PDZRN4: variants seen among roughly 807,000 people sequenced by gnomAD.
PDZRN4 encodes PDZ domain-containing RING finger protein 4.
A neutral mutation model predicts 99.0 loss-of-function variants in PDZRN4; 70 were observed. The ratio of observed to expected loss-of-function variants is 0.71; its 90% CI spans 0.58 to 0.86. PDZRN4 has a LOEUF of 0.86. Among genes scored for constraint, PDZRN4 ranks in the 40% least tolerant of loss-of-function variants. The pLI, the probability that PDZRN4 is intolerant of heterozygous loss-of-function variation, is 0.00. For synonymous variants in PDZRN4, 551 were observed against 501.6 expected (o/e 1.10, Z -1.32); for missense variants, 1,474 against 1,331.2 (o/e 1.11, Z -1.67).
intron 3 of PDZRN4, among the ~76,000 whole-genome samples, chr12:41,234,662 A>G (rs1376741306): frequency 1.3e-5 from 2 of 152,102 alleles, no homozygotes; most frequent in Admixed American, 6.6e-5. Flanking sequence ...GGATGGAATA[A>G]TCACATGCAT....
chr12:41,472,271 G>A (rs1156800738), intron 3 of PDZRN4, among the ~76,000 whole-genome samples: 3 of 152,246 alleles, frequency 2.0e-5, no homozygotes, highest in Admixed American at 6.5e-5. Context: ...CCAAAGTGCC[G>A]GGATTACAGG....
intron 3 of PDZRN4, among the ~76,000 whole-genome samples, chr12:41,503,246 G>C (rs1247263513): frequency 2.0e-5 from 3 of 152,124 alleles, no homozygotes; most frequent in Non-Finnish European, 4.4e-5. Flanking sequence ...TATGAAAATA[G>C]AGGTCAGCTG....
intron 3 of PDZRN4, among the ~76,000 whole-genome samples, chr12:41,492,752 AC>A (rs1937913824): frequency 6.6e-6 from 1 of 152,118 alleles, no homozygotes; most frequent in African/African-American, 2.4e-5. Context: ...TATTCTTTAC[AC>A]CTTTGAAATG....
chr12:41,515,652 G>A, intron 5 of PDZRN4, among the ~76,000 whole-genome samples: 1 of 152,020 alleles, frequency 6.6e-6, no homozygotes, highest in East Asian at 1.9e-4. Flanking sequence ...AAACCAATAA[G>A]TGATCATATA....
chr12:41,500,914 G>C (rs1194448584), intron 3 of PDZRN4, among the ~76,000 whole-genome samples: 1 of 151,984 alleles, frequency 6.6e-6, no homozygotes, highest in African/African-American at 2.4e-5. Flanking sequence ...ATTGTGCTTT[G>C]GCAACACCTC....
At chr12:41,225,545 TA>T (rs1950987924) in intron 3 of PDZRN4, among the ~76,000 whole-genome samples, 1 of 152,160 alleles carries the variant, frequency 6.6e-6, no homozygotes, top group Non-Finnish European at 1.5e-5. Flanking sequence ...GCTTTTGTAA[TA>T]ATTTTTTAAT....
intron 3 of PDZRN4, among the ~76,000 whole-genome samples, chr12:41,499,952 C>G (rs769524303): frequency 2.0e-5 from 3 of 151,910 alleles, no homozygotes; most frequent in African/African-American, 4.8e-5. Flanking sequence ...ATTCAATTAT[C>G]TTAGGTTGCA....
chr12:41,194,005 A>G (rs1950754142), intron 2 of PDZRN4, 76 bp from the exon 3 acceptor site: 7 of 706,626 alleles, frequency 9.9e-6, no homozygotes, highest in South Asian at 6.3e-5. Flanking sequence ...TGGTAATGTT[A>G]CATTTGGTAA....
intron 3 of PDZRN4, among the ~76,000 whole-genome samples, chr12:41,403,976 C>T (rs1952323338): frequency 6.6e-6 from 1 of 151,988 alleles, no homozygotes; most frequent in Non-Finnish European, 1.5e-5. Context: ...TGCAGGAACC[C>T]TCAGGGATAC....
At chr12:41,233,689 C>T (rs1951045873) in intron 3 of PDZRN4, among the ~76,000 whole-genome samples, 1 of 151,394 alleles carries the variant, frequency 6.6e-6, no homozygotes, top group South Asian at 2.1e-4. Context: ...ATTGCAAGGA[C>T]AAAAAACCAA....
chr12:41,516,959 A>G (rs901875368), intron 5 of PDZRN4, among the ~76,000 whole-genome samples: 1 of 151,990 alleles, frequency 6.6e-6, no homozygotes, highest in African/African-American at 2.4e-5. Flanking sequence ...CTAAATTGAG[A>G]TTCCTTTTTA....
chr12:41,464,820 C>CTTTT (rs5797739), intron 3 of PDZRN4, among the ~76,000 whole-genome samples: 64 of 104,782 alleles, frequency 6.1e-4, no homozygotes, highest in South Asian at 9.7e-4. Flanking sequence ...GCCTGTTGTA[C>CTTTT]TTTTTTTTTT....
chr12:41,370,047 C>T (rs1253286658), intron 3 of PDZRN4, among the ~76,000 whole-genome samples: 7 of 151,806 alleles, frequency 4.6e-5, no homozygotes, highest in African/African-American at 1.7e-4. Flanking sequence ...TCTTATCCAC[C>T]ATTTTAAATT....
chr12:41,355,813 T>C (rs567173551), intron 3 of PDZRN4, among the ~76,000 whole-genome samples: 2 of 152,040 alleles, frequency 1.3e-5, no homozygotes, highest in South Asian at 4.1e-4. Flanking sequence ...CAAGAGGGAG[T>C]TAAAAAAAGA....
Position 41,433,629 on chromosome 12 carries a change from C to T in PDZRN4, c.844-72827C>T, listed in dbSNP as rs141016829. Among the ~76,000 whole-genome samples, 279 of 152,244 alleles carry T rather than the reference C, an allele frequency of 1.8e-3. 2 individuals are homozygous for T. Among genetic ancestry groups the T allele is most frequent in the East Asian group, 6.0e-3 (31 of 5,180 alleles). On this transcript the variant is annotated intron_variant, in intron 3 of 9. Coordinates refer to ENST00000402685, the MANE Select transcript of PDZRN4 (RefSeq NM_001164595.2). The stretch of plus-strand genomic sequence containing the variant: ...GAGGGTAATCAAGCGGAGTTACGTA[C>T]GGAACTTCCACACTGGCACAGGAAA...
intron 3 of PDZRN4, among the ~76,000 whole-genome samples, chr12:41,504,519 T>C (rs529399710): frequency 1.3e-5 from 2 of 152,274 alleles, no homozygotes; most frequent in Non-Finnish European, 2.9e-5. Flanking sequence ...GACCACAATA[T>C]GAAACATATG....
At chr12:41,281,947 T>A (rs1165783173) in intron 3 of PDZRN4, among the ~76,000 whole-genome samples, 1 of 152,178 alleles carries the variant, frequency 6.6e-6, no homozygotes, top group Non-Finnish European at 1.5e-5. Context: ...ATTGACAGTA[T>A]GAAGAAACTG....
chr12:41,262,301 T>C (rs374452341), intron 3 of PDZRN4, among the ~76,000 whole-genome samples: 94 of 152,336 alleles, frequency 6.2e-4, no homozygotes, highest in African/African-American at 2.2e-3. Flanking sequence ...CAGTCACCTA[T>C]GTGTCCACAA....
At chr12:41,440,898 T>G (rs1413803348) in intron 3 of PDZRN4, among the ~76,000 whole-genome samples, 2 of 152,174 alleles carry the variant, frequency 1.3e-5, no homozygotes, top group African/African-American at 4.8e-5. Flanking sequence ...CTGAACTGCC[T>G]GTTTCTTATT....
Sources: gnomAD v4.1 joint callset for allele counts (sites outside exome capture counted in the v4.1 genomes callset) on GRCh38, gnomAD v4.1.1 for gene constraint, MANE v1.5 for transcripts, NCBI Gene and HGNC (gene_info 2026-07-23, HGNC 2026-07-21) for gene names.